EVC: variants seen among roughly 807,000 people sequenced by gnomAD.
EVC encodes the protein evC complex member EVC.
A neutral mutation model predicts 118.9 loss-of-function variants in EVC; 116 were observed. The ratio of observed to expected loss-of-function variants is 0.98; its 90% CI spans 0.84 to 1.14. The LOEUF (loss-of-function observed/expected upper bound fraction) is 1.14. Ranked by LOEUF, EVC falls within the 50% of genes most tolerant of loss-of-function variation. The pLI is 0.00. For missense variants in EVC, 1,401 were observed against 1,246.4 expected, an observed-to-expected ratio of 1.12 and a Z score of -1.87; for synonymous variants, 619 against 534.7, an observed-to-expected ratio of 1.16 and a Z score of -2.18.
the EVC span, chr4:5,826,036 C>G: frequency 1.3e-5 from 4 of 306,278 alleles, no homozygotes; most frequent in Admixed American, 1.7e-4. Context: ...ACATACAGAT[C>G]TTCACAAAGG....
chr4:5,798,608 C>A lies in EVC; in HGVS notation c.2120C>A (p.Ala707Asp). ...RALEARVLEE[A>D]SRLEEEAQQT... is the part of the protein sequence containing the mutation. ...CAGGAGGCGCGTGTGCTGGAGGAGG[C>A]CAGCCGGCTAGAGGAGGAAGCACAG... is the stretch of plus-strand genomic sequence containing the variant. The change falls in exon 15 of 21, where the codon GCC becomes GAC. Residue 707 changes from alanine (A) to aspartate (D), a missense_variant. Coordinates refer to ENST00000264956, the MANE Select transcript of EVC (RefSeq NM_153717.3). The surrounding 1 kb of genome is among the most constrained non-coding windows in gnomAD (Gnocchi z 4.1). The A allele has an allele frequency of 6.3e-7, 1 of 1,574,890 alleles. No individual in the cohort carries two copies. The highest frequency in any genetic ancestry group is 2.3e-5 in the East Asian group (1 of 42,672).
intron 11 of EVC, among the ~76,000 whole-genome samples, chr4:5,781,977 C>T (rs1396541777): frequency 6.6e-6 from 1 of 152,154 alleles, no homozygotes; most frequent in Non-Finnish European, 1.5e-5. Context: ...TCACTGCATT[C>T]ATGGGGATGG....
chr4:5,719,219 A>G lies in EVC; in HGVS notation c.175-29A>G, dbSNP rs191330935. ...TGACCTCAATGTTGTGTTTCTATCCACCCCCAACTCCTGACCTTCGGGTTT... is the reference window on the plus strand; with the variant it reads ...TGACCTCAATGTTGTGTTTCTATCCGCCCCCAACTCCTGACCTTCGGGTTT... On this transcript the variant is annotated intron_variant, in intron 1 of 20. Transcript: ENST00000264956. This position sits in a 1 kb window ranked among gnomAD's most constrained non-coding sequence, Gnocchi z 4.7. 9.3e-6 allele frequency: 15 copies of G among 1,613,778 alleles called. No homozygotes were observed. The highest frequency in any genetic ancestry group is 3.3e-5 in the Admixed American group (2 of 59,988).
At chr4:5,826,107 CA>C in the EVC span, 1 of 224,852 alleles carries the variant, frequency 4.4e-6, no homozygotes, top group African/African-American at 2.4e-5. Flanking sequence ...CAGGTATACA[CA>C]CCCATATATA....
intron 9 of EVC, 27 bp from the exon 10 acceptor site, chr4:5,753,758 C>T: frequency 6.2e-7 from 1 of 1,614,136 alleles, no homozygotes; most frequent in Non-Finnish European, 8.5e-7. Context: ...GAGTCACCTC[C>T]TATGCTGTGG....
At chr4:5,818,874 C>T (rs73206221), downstream of EVC, among the ~76,000 whole-genome samples, 3,760 of 152,246 alleles carry the variant, frequency 0.025, 59 homozygotes, top group Middle Eastern at 0.061. Flanking sequence ...GACAGAAAAT[C>T]GGTAACAGAA....
chr4:5,742,780 G>A lies in EVC; in HGVS notation c.801+966G>A, dbSNP rs1728807338. 6.6e-6 allele frequency among the ~76,000 whole-genome samples: 1 copy of A among 152,094 alleles called. No individual in the cohort carries two copies. On this transcript the variant is annotated intron_variant, in intron 6 of 20. Transcript: ENST00000264956. The surrounding 1 kb of genome is among the most constrained non-coding windows in gnomAD (Gnocchi z 5.2). ...TATTGCCATCACCACCACCAATGTTGCAGGGCAGGCAAGCTCCAGAATAGG... is the reference window on the plus strand; with the variant it reads ...TATTGCCATCACCACCACCAATGTTACAGGGCAGGCAAGCTCCAGAATAGG...
chr4:5,818,572 T>G (rs1048461909), downstream of EVC, among the ~76,000 whole-genome samples: 1 of 152,192 alleles, frequency 6.6e-6, no homozygotes, highest in Admixed American at 6.5e-5. Context: ...ATTCATAGAT[T>G]AATGTATCAG....
At chr4:5,785,111 A>C (rs1209770632) in intron 12 of EVC, among the ~76,000 whole-genome samples, 1 of 152,140 alleles carries the variant, frequency 6.6e-6, no homozygotes, top group African/African-American at 2.4e-5. Context: ...AAACAAAGCA[A>C]AGGGCTTCTG....
At chr4:5,779,281 T>C (rs1735226228) in intron 11 of EVC, among the ~76,000 whole-genome samples, 1 of 152,168 alleles carries the variant, frequency 6.6e-6, no homozygotes, top group Non-Finnish European at 1.5e-5. Flanking sequence ...GCGTGATGCC[T>C]CCAGCTTTGT....
At chr4:5,762,436 C>G (rs1277053034) in intron 11 of EVC, among the ~76,000 whole-genome samples, 3 of 130,338 alleles carry the variant, frequency 2.3e-5, no homozygotes, top group Non-Finnish European at 4.9e-5. Context: ...ATGGCTGGGT[C>G]AAATGGTATT....
rs1189634223 is a variant in EVC at position 5,752,533 on chromosome 4, G to A, written c.1099-303G>A. 5 of 484,882 alleles carry A rather than the reference G, an allele frequency of 1.0e-5. No individual in the cohort carries two copies. In the Middle Eastern group the frequency reaches 1.7e-3, roughly 169 times the overall value. 30.0% of individuals were successfully genotyped at this position (484,882 alleles called of 1,614,324 possible). On this transcript the variant is annotated intron_variant, in intron 8 of 20. Transcript: ENST00000264956. ...GCCAGGTGGCTTTTCCTCCTTGACCGTTTGTAAATCTGGATTCCCTCCTAG... is the reference window on the plus strand; with the variant it reads ...GCCAGGTGGCTTTTCCTCCTTGACCATTTGTAAATCTGGATTCCCTCCTAG...
At chr4:5,716,695 C>T (rs915819602) in intron 1 of EVC, among the ~76,000 whole-genome samples, 3 of 152,270 alleles carry the variant, frequency 2.0e-5, no homozygotes, top group South Asian at 2.1e-4. Context: ...TTGTTTTAGG[C>T]GACTATTACC....
rs1270146401 is a variant in EVC, at chr4:5,756,415, C to T, written c.1563+53C>T. ...AGAAGCCCCAGGGTCTGTGTGTGTG[C>T]GAGAACCTCACATCCTCCTGGCTGG... On this transcript the variant is annotated intron_variant, in intron 11 of 20. Coordinates refer to ENST00000264956, the MANE Select transcript of EVC (RefSeq NM_153717.3). This position sits in a 1 kb window ranked among gnomAD's most constrained non-coding sequence, Gnocchi z 4.2. 10 of 1,459,292 alleles carry T rather than the reference C, an allele frequency of 6.9e-6. No homozygotes were observed. In the South Asian group the frequency reaches 7.2e-5, roughly 11 times the overall value. 90.4% of individuals were successfully genotyped at this position (1,459,292 alleles called of 1,614,324 possible). A position where few individuals can be genotyped will look rare whatever the true frequency, so the allele number is the denominator to read the frequency against.
chr4:5,765,018 C>T (rs1440865237), intron 11 of EVC, among the ~76,000 whole-genome samples: 1 of 118,074 alleles, frequency 8.5e-6, no homozygotes, highest in Non-Finnish European at 1.9e-5. Flanking sequence ...TGGATCTTTC[C>T]TGCTTCCTCT....
chr4:5,794,045 C>T (rs1318309536), intron 13 of EVC, among the ~76,000 whole-genome samples: 1 of 151,872 alleles, frequency 6.6e-6, no homozygotes, highest in African/African-American at 2.4e-5. Flanking sequence ...TAGAACATTT[C>T]TATCACCCCA....
Position 5,798,630 on chromosome 4 carries a change from A to G in EVC, c.2142A>G (p.Ala714=). ...LEEASRLEEE[A]QQTRLQLQQR... ...AGGCCAGCCGGCTAGAGGAGGAAGC[A>G]CAGCAGACACGGCTGCAGCTCCAGC... is the stretch of plus-strand genomic sequence containing the variant. Residue 714 remains alanine (A), a synonymous_variant, in exon 15 of 21, where the codon GCA becomes GCG. Transcript: ENST00000264956. This position sits in a 1 kb window ranked among gnomAD's most constrained non-coding sequence, Gnocchi z 4.1. 6.3e-7 allele frequency: 1 copy of G among 1,589,574 alleles called. No homozygotes were observed. The highest frequency in any genetic ancestry group is 1.1e-5 in the South Asian group (1 of 87,270).
intron 2 of EVC, among the ~76,000 whole-genome samples, chr4:5,726,247 T>C (rs1408356689): frequency 6.6e-6 from 1 of 152,244 alleles, no homozygotes; most frequent in Non-Finnish European, 1.5e-5. Context: ...TTTTCTTCCA[T>C]CAGTGTGTTC....
intron 11 of EVC, among the ~76,000 whole-genome samples, chr4:5,773,424 A>G (rs1287430438): frequency 2.6e-5 from 4 of 152,108 alleles, no homozygotes; most frequent in Non-Finnish European, 5.9e-5. Context: ...TGTTCTTCTC[A>G]TAGCAATAGC....
Sources: allele counts gnomAD v4.1 joint callset (sites outside exome capture counted in the v4.1 genomes callset), GRCh38; gene constraint gnomAD v4.1.1; non-coding constraint Gnocchi (gnomAD v3.1); transcripts MANE v1.5; gene names NCBI Gene and HGNC (gene_info 2026-07-23, HGNC 2026-07-21).